Variants in GRID2 observed in about 807,000 individuals in gnomAD.
The protein encoded by GRID2 is glutamate receptor ionotropic, delta-2.
In GRID2, 33 loss-of-function variants were observed where a neutral mutation model predicts 114.8. That is an observed-to-expected ratio of 0.29 (90% CI 0.22 to 0.38). The LOEUF is 0.38. Among genes scored for constraint, GRID2 ranks in the 10% least tolerant of loss-of-function variants. The probability of loss-of-function intolerance (pLI) is 1.00; values close to 1 mark genes in which losing one functional copy is unlikely to be tolerated. For missense variants in GRID2, 1,184 were observed against 1,257.7 expected (o/e 0.94, Z 0.89); for synonymous variants, 505 against 449.9 (o/e 1.12, Z -1.55).
intron 2 of GRID2, among the ~76,000 whole-genome samples, chr4:92,603,186 A>C (rs1028284598): frequency 6.6e-6 from 1 of 152,164 alleles, no homozygotes; most frequent in Non-Finnish European, 1.5e-5. Context: ...TCTTCAGAGA[A>C]TTAGAAAAAC....
At chr4:93,746,306 A>G (rs1333701523) in intron 14 of GRID2, among the ~76,000 whole-genome samples, 1 of 152,166 alleles carries the variant, frequency 6.6e-6, no homozygotes, top group Non-Finnish European at 1.5e-5. Context: ...TACATACAAT[A>G]AAACTGCTCT....
chr4:92,705,623 C>G (rs1298718923), intron 2 of GRID2, among the ~76,000 whole-genome samples: 1 of 152,168 alleles, frequency 6.6e-6, no homozygotes, highest in Non-Finnish European at 1.5e-5. Context: ...TATTGTCCTA[C>G]CTACACTCTG....
intron 3 of GRID2, among the ~76,000 whole-genome samples, chr4:93,095,700 T>G (rs2149334195): frequency 6.6e-6 from 1 of 152,066 alleles, no homozygotes; most frequent in East Asian, 1.9e-4. Flanking sequence ...CTGCAAAATT[T>G]TGCAAGACAT....
chr4:93,524,788 T>A, intron 13 of GRID2, among the ~76,000 whole-genome samples: 1 of 31,272 alleles, frequency 3.2e-5, no homozygotes, highest in African/African-American at 6.9e-5. Context: ...TGTATGTGTA[T>A]ATATATATAT....
chr4:92,787,581 T>C (rs938176642), intron 2 of GRID2, among the ~76,000 whole-genome samples: 4 of 151,864 alleles, frequency 2.6e-5, no homozygotes, highest in Non-Finnish European at 5.9e-5. Flanking sequence ...GATGTGGAGG[T>C]AACCTTAAAT....
intron 4 of GRID2, among the ~76,000 whole-genome samples, chr4:93,198,334 G>A (rs1345215915): frequency 6.6e-6 from 1 of 152,090 alleles, no homozygotes; most frequent in Non-Finnish European, 1.5e-5. Context: ...ACTCATGGGG[G>A]AGCAATAATG....
At chr4:92,873,536 G>T (rs1745422114) in intron 2 of GRID2, among the ~76,000 whole-genome samples, 1 of 151,808 alleles carries the variant, frequency 6.6e-6, no homozygotes, top group South Asian at 2.1e-4. Context: ...TTATGTCTAG[G>T]TTTACATTAG....
chr4:93,127,760 G>T (rs984538395), intron 4 of GRID2, among the ~76,000 whole-genome samples: 7 of 152,000 alleles, frequency 4.6e-5, no homozygotes, highest in African/African-American at 1.4e-4. Context: ...TTCTTGGGAG[G>T]CTGAGGCAGG....
chr4:93,561,422 G>A (rs1232762724), intron 13 of GRID2, among the ~76,000 whole-genome samples: 1 of 151,946 alleles, frequency 6.6e-6, no homozygotes, highest in Non-Finnish European at 1.5e-5. Context: ...TTGAAAGGAA[G>A]GTATAGAGAT....
At chr4:92,852,878 C>T (rs1743925254) in intron 2 of GRID2, among the ~76,000 whole-genome samples, 1 of 151,952 alleles carries the variant, frequency 6.6e-6, no homozygotes, top group South Asian at 2.1e-4. Context: ...AAATTTTCAG[C>T]TTCATTGTTA....
At chr4:93,729,441 A>G (rs1225655865) in intron 14 of GRID2, among the ~76,000 whole-genome samples, 9 of 152,120 alleles carry the variant, frequency 5.9e-5, no homozygotes, top group Admixed American at 5.9e-4. Flanking sequence ...ACAGTGTCGT[A>G]TGTCTTCTTC....
At chr4:93,757,926 T>C (rs1296187233) in intron 14 of GRID2, among the ~76,000 whole-genome samples, 1 of 151,958 alleles carries the variant, frequency 6.6e-6, no homozygotes, top group Admixed American at 6.6e-5. Flanking sequence ...CATTGTACTC[T>C]AGCCTGGGAA....
chr4:92,650,760 T>C (rs1731888451), intron 2 of GRID2, among the ~76,000 whole-genome samples: 1 of 151,998 alleles, frequency 6.6e-6, no homozygotes, highest in Non-Finnish European at 1.5e-5. Context: ...GAGGTAATGC[T>C]GAGTGGTACC....
chr4:92,453,502 T>C (rs1579392104), intron 1 of GRID2, among the ~76,000 whole-genome samples: 1 of 152,218 alleles, frequency 6.6e-6, no homozygotes, highest in Non-Finnish European at 1.5e-5. Context: ...AAAACCGATG[T>C]ATATTTATTG....
intron 2 of GRID2, among the ~76,000 whole-genome samples, chr4:92,900,068 C>T (rs1381422230): frequency 6.6e-6 from 1 of 151,946 alleles, no homozygotes; most frequent in Non-Finnish European, 1.5e-5. Flanking sequence ...GTGAAAATAG[C>T]AGGGAAAGGT....
At chr4:93,255,092 C>T (rs1210839409) in intron 8 of GRID2, among the ~76,000 whole-genome samples, 3 of 152,040 alleles carry the variant, frequency 2.0e-5, no homozygotes, top group Admixed American at 6.6e-5. Flanking sequence ...TAGCTTATAG[C>T]TCTCGTGTTA....
intron 2 of GRID2, among the ~76,000 whole-genome samples, chr4:92,663,489 T>G (rs1413028096): frequency 1.3e-5 from 2 of 151,224 alleles, no homozygotes; most frequent in Non-Finnish European, 3.0e-5. Context: ...ATAAGTGAAT[T>G]ATCACAATTA....
At chr4:92,972,185 C>T (rs549592480) in intron 2 of GRID2, among the ~76,000 whole-genome samples, 24 of 151,128 alleles carry the variant, frequency 1.6e-4, no homozygotes, top group East Asian at 1.4e-3. Context: ...TTTCTCTTTT[C>T]GCTTCACCTT....
At chr4:93,137,798 T>C (rs535841553) in intron 4 of GRID2, among the ~76,000 whole-genome samples, 40 of 152,246 alleles carry the variant, frequency 2.6e-4, no homozygotes, top group Middle Eastern at 3.4e-3. Flanking sequence ...GGGACCACTA[T>C]ATTTTACATT....
Sources: allele counts gnomAD v4.1 joint callset (sites outside exome capture counted in the v4.1 genomes callset), GRCh38; gene constraint gnomAD v4.1.1; transcripts MANE v1.5; gene names NCBI Gene and HGNC (gene_info 2026-07-23, HGNC 2026-07-21).